The following CLASP1 variants were observed in gnomAD, a reference collection of about 807,000 sequenced individuals.
CLASP1 encodes CLIP-associating protein 1.
CLASP1 carries 38 observed loss-of-function variants against 192.3 expected under a neutral mutation model. That is an observed-to-expected ratio of 0.20 (90% CI 0.15 to 0.26). CLASP1 has a LOEUF of 0.26. CLASP1 is among the 10% of genes least tolerant of loss of function. The probability of loss-of-function intolerance (pLI) is 1.00; values close to 1 mark genes in which losing one functional copy is unlikely to be tolerated. For synonymous variants in CLASP1, 691 were observed against 712.8 expected (o/e 0.97, Z 0.49); for missense variants, 1,433 against 1,932.5 (o/e 0.74, Z 4.85).
At chr2:121,574,704 C>T (rs975504113) in intron 2 of CLASP1, among the ~76,000 whole-genome samples, 2 of 148,740 alleles carry the variant, frequency 1.3e-5, no homozygotes, top group East Asian at 2.0e-4. Context: ...TTTGGGAGGC[C>T]GAGGCAGGCG....
intron 30 of CLASP1, among the ~76,000 whole-genome samples, chr2:121,395,294 T>C (rs142164604): frequency 1.4e-4 from 22 of 152,320 alleles, no homozygotes; most frequent in African/African-American, 5.1e-4. Flanking sequence ...TAATTTGTTA[T>C]ACAATAGAAA....
intron 8 of CLASP1, among the ~76,000 whole-genome samples, chr2:121,489,148 T>C (rs1274377123): frequency 6.6e-6 from 1 of 152,172 alleles, no homozygotes; most frequent in East Asian, 1.9e-4. Context: ...ATTATTTAAC[T>C]CTCCTGCCCA....
At chr2:121,385,393 T>C (rs757592702) in intron 32 of CLASP1, among the ~76,000 whole-genome samples, 3 of 152,228 alleles carry the variant, frequency 2.0e-5, no homozygotes, top group African/African-American at 4.8e-5. Flanking sequence ...AGACCACACA[T>C]GAACTACTGA....
At chr2:121,518,318 C>A (rs979752987) in intron 6 of CLASP1, among the ~76,000 whole-genome samples, 1 of 150,896 alleles carries the variant, frequency 6.6e-6, no homozygotes, top group African/African-American at 2.4e-5. Flanking sequence ...GGATTAGTGT[C>A]CTCATAAGAG....
At chr2:121,412,982 G>C (rs1431228355) in intron 23 of CLASP1, among the ~76,000 whole-genome samples, 1 of 152,174 alleles carries the variant, frequency 6.6e-6, no homozygotes, top group Non-Finnish European at 1.5e-5. Flanking sequence ...TAGGAGGCTG[G>C]GCACGGCGGC....
At chr2:121,441,582 C>A (rs1417659629) in intron 19 of CLASP1, among the ~76,000 whole-genome samples, 1 of 151,722 alleles carries the variant, frequency 6.6e-6, no homozygotes, top group Non-Finnish European at 1.5e-5. Context: ...GAAAAATTAG[C>A]CAGGCAGGCG....
intron 19 of CLASP1, 148 bp downstream of exon 19, chr2:121,447,189 C>G (rs1263505705): frequency 1.4e-6 from 1 of 722,948 alleles, no homozygotes; most frequent in Non-Finnish European, 2.3e-6. Flanking sequence ...GGCTGATCAG[C>G]AGCAAGTGCA....
At chr2:121,430,043 G>T in intron 20 of CLASP1, 30 bp downstream of exon 20, 1 of 1,481,558 alleles carries the variant, frequency 6.7e-7, no homozygotes, top group Non-Finnish European at 9.2e-7. Context: ...TAAAACTGAG[G>T]TAAGCAAGAG....
intron 19 of CLASP1, among the ~76,000 whole-genome samples, chr2:121,432,314 T>C (rs2149662811): frequency 6.6e-6 from 1 of 152,262 alleles, no homozygotes; most frequent in Admixed American, 6.5e-5. Context: ...AGTCAGGATC[T>C]GACCATGTTG....
At chr2:121,551,285 C>G (rs968078673) in intron 2 of CLASP1, among the ~76,000 whole-genome samples, 1 of 152,074 alleles carries the variant, frequency 6.6e-6, no homozygotes, top group Non-Finnish European at 1.5e-5. Context: ...CCTTGAAAAC[C>G]GGCACAAGAC....
intron 1 of CLASP1, among the ~76,000 whole-genome samples, chr2:121,633,267 A>T (rs1448444088): frequency 6.6e-6 from 1 of 152,064 alleles, no homozygotes; most frequent in African/African-American, 2.4e-5. Context: ...ACTTACATTC[A>T]CTCATAATAA....
chr2:121,486,708 T>C (rs1302785143), intron 8 of CLASP1, among the ~76,000 whole-genome samples: 1 of 152,212 alleles, frequency 6.6e-6, no homozygotes, highest in Admixed American at 6.5e-5. Flanking sequence ...ACCAGAATGT[T>C]CTCTCATACT....
chr2:121,363,569 G>A (rs561041475), intron 36 of CLASP1, among the ~76,000 whole-genome samples: 11 of 152,306 alleles, frequency 7.2e-5, no homozygotes, highest in African/African-American at 2.4e-4. Flanking sequence ...CTACTTGAAC[G>A]AGCCATGCAC....
chr2:121,409,057 G>C (rs1467208176), intron 24 of CLASP1: 3 of 1,563,060 alleles, frequency 1.9e-6, no homozygotes, highest in East Asian at 4.7e-5. Flanking sequence ...GCTGTAGGCA[G>C]GAAAATATTG....
intron 2 of CLASP1, chr2:121,531,054 CG>C: frequency 1.4e-6 from 1 of 696,740 alleles, no homozygotes; most frequent in Non-Finnish European, 2.6e-6. Context: ...AGCAGTAATT[CG>C]TAAATAAACT....
chr2:121,574,495 C>T (rs1299957902), intron 2 of CLASP1, among the ~76,000 whole-genome samples: 5 of 150,728 alleles, frequency 3.3e-5, no homozygotes, highest in Non-Finnish European at 5.9e-5. Flanking sequence ...ATTAGCTGAG[C>T]GTGGTGGCAC....
At chr2:121,418,729 G>T in exon 23 of CLASP1, 2 of 1,606,732 alleles carry the variant, frequency 1.2e-6, no homozygotes, top group Non-Finnish European at 1.7e-6. Flanking sequence ...GCTGCTCCGT[G>T]CTAGCGTGCA....
At chr2:121,514,264 A>C (rs2094223540) in intron 7 of CLASP1, among the ~76,000 whole-genome samples, 1 of 152,240 alleles carries the variant, frequency 6.6e-6, no homozygotes, top group African/African-American at 2.4e-5. Context: ...GTTACACAGC[A>C]TGGCATGAGG....
chr2:121,478,868 ACAC>A (rs1318023535), intron 8 of CLASP1, among the ~76,000 whole-genome samples: 100 of 50,906 alleles, frequency 2.0e-3, no homozygotes, highest in South Asian at 0.016. Context: ...CACCACACAC[ACAC>A]CACACCACAC....
Sources: allele counts gnomAD v4.1 joint callset (sites outside exome capture counted in the v4.1 genomes callset), GRCh38; gene constraint gnomAD v4.1.1; transcripts MANE v1.5; gene names NCBI Gene and HGNC (gene_info 2026-07-23, HGNC 2026-07-21).